Variants in ZFPM2 observed in about 807,000 individuals in gnomAD.
The protein encoded by ZFPM2 is zinc finger protein, FOG family member 2.
Under a neutral mutation model 98.6 loss-of-function variants are expected in ZFPM2, and 20 were observed. The ratio of observed to expected loss-of-function variants is 0.20; its 90% CI spans 0.14 to 0.29. ZFPM2 has a LOEUF of 0.29. Among genes scored for constraint, ZFPM2 ranks in the 10% least tolerant of loss-of-function variants. ZFPM2 has a pLI of 1.00. For synonymous variants in ZFPM2, 518 were observed against 502.7 expected (o/e 1.03, Z -0.41); for missense variants, 1,310 against 1,388.6 (o/e 0.94, Z 0.90).
At chr8:105,488,416 AT>A (rs1813280834) in intron 3 of ZFPM2, among the ~76,000 whole-genome samples, 1 of 152,136 alleles carries the variant, frequency 6.6e-6, no homozygotes, top group Non-Finnish European at 1.5e-5. Context: ...TTTCTGCAAC[AT>A]TTGGATCTTC....
chr8:105,596,814 G>A (rs893369877), intron 4 of ZFPM2, among the ~76,000 whole-genome samples: 4 of 146,774 alleles, frequency 2.7e-5, no homozygotes, highest in African/African-American at 1.0e-4. Flanking sequence ...GGGAAAGATG[G>A]CCTGGAACTC....
At chr8:105,327,217 T>A (rs1302325214) in intron 1 of ZFPM2, among the ~76,000 whole-genome samples, 2 of 151,688 alleles carry the variant, frequency 1.3e-5, no homozygotes, top group African/African-American at 2.4e-5. Context: ...TGTAAGTTAA[T>A]CTACATAGAT....
At chr8:105,399,702 G>C (rs1811295938) in intron 1 of ZFPM2, among the ~76,000 whole-genome samples, 2 of 133,226 alleles carry the variant, frequency 1.5e-5, no homozygotes, top group African/African-American at 6.7e-5. Context: ...TTCCCCTTAG[G>C]TTGTATTTTT....
chr8:105,801,502 C>A lies in ZFPM2; in HGVS notation c.1420C>A (p.Pro474Thr), dbSNP rs1303371128. 2 of 1,613,796 alleles carry A rather than the reference C, an allele frequency of 1.2e-6. No homozygotes were observed. The highest frequency in any genetic ancestry group is 1.3e-5 in the African/African-American group (1 of 74,910). Residue 474 changes from proline to threonine, a missense_variant, in exon 8 of 8, where the codon CCC becomes ACC. Coordinates refer to ENST00000407775, the MANE Select transcript of ZFPM2 (RefSeq NM_012082.4). ...TTCTTACACAAAAATAAAGTCTGAGCCCTCTAGCCCAAGACTTGCCTCATC... is the reference window on the plus strand; with the variant it reads ...TTCTTACACAAAAATAAAGTCTGAGACCTCTAGCCCAAGACTTGCCTCATC... Reference protein sequence around the residue: ...SFSYTKIKSEPSSPRLASSPV... With the variant: ...SFSYTKIKSETSSPRLASSPV...
At chr8:105,619,670 C>T (rs1317300400) in intron 4 of ZFPM2, among the ~76,000 whole-genome samples, 2 of 151,850 alleles carry the variant, frequency 1.3e-5, no homozygotes, top group Non-Finnish European at 2.9e-5. Context: ...TCTCCTAATG[C>T]TATCCCTCCC....
chr8:105,525,022 G>A (rs1814145240), intron 3 of ZFPM2, among the ~76,000 whole-genome samples: 1 of 152,072 alleles, frequency 6.6e-6, no homozygotes, highest in Non-Finnish European at 1.5e-5. Context: ...CTTCTTCCAC[G>A]GGAAAATTTT....
At chr8:105,329,074 C>G (rs1812165842) in intron 1 of ZFPM2, among the ~76,000 whole-genome samples, 1 of 151,866 alleles carries the variant, frequency 6.6e-6, no homozygotes, top group South Asian at 2.1e-4. Flanking sequence ...CTTCTGAAGT[C>G]AGGGCTACAA....
intron 4 of ZFPM2, among the ~76,000 whole-genome samples, chr8:105,621,321 T>C (rs1816539575): frequency 6.6e-6 from 1 of 152,194 alleles, no homozygotes; most frequent in Non-Finnish European, 1.5e-5. Flanking sequence ...TGATTGGCTC[T>C]CTGTTTGTCT....
intron 5 of ZFPM2, among the ~76,000 whole-genome samples, chr8:105,722,272 G>A (rs1321330651): frequency 6.6e-6 from 1 of 151,630 alleles, no homozygotes; most frequent in African/African-American, 2.4e-5. Flanking sequence ...ATATTTTCTA[G>A]ACTAGGTCAA....
At chr8:105,570,708 A>C (rs193024977) in intron 4 of ZFPM2, among the ~76,000 whole-genome samples, 2 of 152,278 alleles carry the variant, frequency 1.3e-5, no homozygotes, top group Non-Finnish European at 2.9e-5. Context: ...CCTGATGGTG[A>C]AGTCTTTCCA....
chr8:105,707,097 G>C (rs1433376424), intron 5 of ZFPM2, among the ~76,000 whole-genome samples: 1 of 151,624 alleles, frequency 6.6e-6, no homozygotes, highest in African/African-American at 2.4e-5. Context: ...TTTGAAAATA[G>C]CCAGTTGCTG....
chr8:105,464,743 A>C (rs1327670588), intron 3 of ZFPM2, among the ~76,000 whole-genome samples: 2 of 151,752 alleles, frequency 1.3e-5, no homozygotes, highest in African/African-American at 4.9e-5. Context: ...GTTAACATGA[A>C]GTATCTTGAA....
rs894441459 is a variant in ZFPM2, at chr8:105,652,319, G to A, written c.532+17962G>A. ...TGAAGCCTATTTTTAAAATTAAAAC[G>A]TCACCTTATATGCCTGACATACAGT... is the stretch of plus-strand genomic sequence containing the variant. On this transcript the variant is annotated intron_variant, in intron 5 of 7. Coordinates refer to ENST00000407775, the MANE Select transcript of ZFPM2 (RefSeq NM_012082.4). 1.0e-4 allele frequency among the ~76,000 whole-genome samples: 15 copies of A among 145,390 alleles called. 2 individuals carry two copies. The highest frequency in any genetic ancestry group is 3.6e-4 in the African/African-American group (14 of 38,362).
At chr8:105,413,994 T>C (rs55645988) in intron 1 of ZFPM2, among the ~76,000 whole-genome samples, 51,242 of 151,756 alleles carry the variant, frequency 0.34, 10,718 homozygotes, top group African/African-American at 0.59. Flanking sequence ...AATATTTTAA[T>C]GTGACTTTCA....
At chr8:105,794,462 G>A (rs1411597641) in intron 6 of ZFPM2, among the ~76,000 whole-genome samples, 3 of 152,138 alleles carry the variant, frequency 2.0e-5, no homozygotes, top group African/African-American at 7.2e-5. Flanking sequence ...GGAGTATCTG[G>A]CTGTGTGAGG....
chr8:105,681,977 A>C (rs1258205680), intron 5 of ZFPM2, among the ~76,000 whole-genome samples: 1 of 152,154 alleles, frequency 6.6e-6, no homozygotes, highest in Non-Finnish European at 1.5e-5. Flanking sequence ...TGCCTGATAC[A>C]GTGTAGCTTC....
chr8:105,517,396 C>A (rs534502060), intron 3 of ZFPM2, among the ~76,000 whole-genome samples: 1 of 151,942 alleles, frequency 6.6e-6, no homozygotes, highest in Non-Finnish European at 1.5e-5. Context: ...TTAGCTTTAT[C>A]GAGATATAAT....
At chr8:105,501,286 G>A (rs1015185256) in intron 3 of ZFPM2, among the ~76,000 whole-genome samples, 1 of 150,398 alleles carries the variant, frequency 6.6e-6, no homozygotes, top group Non-Finnish European at 1.5e-5. Context: ...AGGTTTAAGC[G>A]ATTCTCCTGC....
chr8:105,343,408 C>T (rs1812464231), intron 1 of ZFPM2, among the ~76,000 whole-genome samples: 1 of 152,028 alleles, frequency 6.6e-6, no homozygotes, highest in Non-Finnish European at 1.5e-5. Flanking sequence ...AACAGTCAGG[C>T]AGTAGCTGAA....
Sources: allele counts gnomAD v4.1 joint callset (sites outside exome capture counted in the v4.1 genomes callset), GRCh38; gene constraint gnomAD v4.1.1; transcripts MANE v1.5; gene names NCBI Gene and HGNC (gene_info 2026-07-23, HGNC 2026-07-21).